TGS1: variants seen among roughly 807,000 people sequenced by gnomAD.
TGS1 encodes the protein trimethylguanosine synthase 1.
A neutral mutation model predicts 92.2 loss-of-function variants in TGS1; 69 were observed. The observed-to-expected ratio is 0.75, with a 90% CI of 0.62 to 0.91. The LOEUF is 0.91. Among genes scored for constraint, TGS1 ranks in the 40% least tolerant of loss-of-function variants. The pLI, the probability that TGS1 is intolerant of heterozygous loss-of-function variation, is 0.00. For missense variants in TGS1, 1,062 were observed against 1,001.2 expected (o/e 1.06, Z -0.82); for synonymous variants, 345 against 338.1 (o/e 1.02, Z -0.22).
At chr8:55,803,838 A>G (rs923697598) in intron 9 of TGS1, among the ~76,000 whole-genome samples, 1 of 151,916 alleles carries the variant, frequency 6.6e-6, no homozygotes, top group Non-Finnish European at 1.5e-5. Flanking sequence ...ATTACAAGCA[A>G]GCACTACCAT....
Position 55,810,948 on chromosome 8 carries a change from A to G in TGS1, c.2211A>G (p.Ile737Met), listed in dbSNP as rs1210979674. 6.2e-7 allele frequency: 1 copy of G among 1,614,100 alleles called. No homozygotes were observed. The highest frequency in any genetic ancestry group is 1.3e-5 in the African/African-American group (1 of 74,952). Reference protein sequence around the residue: ...LARNNAEVYGIADKIEFICGD... With the variant: ...LARNNAEVYGMADKIEFICGD... The stretch of plus-strand genomic sequence containing the variant: ...GCAATAATGCAGAAGTTTATGGGAT[A>G]GCAGATAAGATAGAGTTCATCTGTG... Residue 737 changes from isoleucine (I) to methionine (M), a missense_variant, in exon 11 of 13, where the codon ATA becomes ATG. Transcript: ENST00000260129.
chr8:55,805,079 A>C, intron 10 of TGS1, 43 bp downstream of exon 10: 5 of 1,574,056 alleles, frequency 3.2e-6, no homozygotes, highest in Non-Finnish European at 4.3e-6. Flanking sequence ...ATGTCCAGTT[A>C]ATTCAGTAAA....
rs998849178 is a variant in TGS1, at chr8:55,808,759, C to A, written c.2144-2122C>A. Among the ~76,000 whole-genome samples, 5 of 152,092 alleles carry A rather than the reference C, an allele frequency of 3.3e-5. No individual in the cohort carries two copies. In the East Asian group the frequency reaches 9.6e-4, roughly 29 times the overall value. ...CCTGACCTCAGGTGATCCACCCAAC[C>A]TCGGCCTCCCAAAGTGCTGGGATTA... is the stretch of plus-strand genomic sequence containing the variant. On this transcript the variant is annotated intron_variant, in intron 10 of 12. Coordinates refer to ENST00000260129, the MANE Select transcript of TGS1 (RefSeq NM_024831.8).
intron 5 of TGS1, among the ~76,000 whole-genome samples, chr8:55,791,048 A>G (rs920759225): frequency 1.3e-5 from 2 of 152,176 alleles, no homozygotes; most frequent in Non-Finnish European, 2.9e-5. Context: ...GTATTGCTGA[A>G]AAAGACCTCA....
intron 1 of TGS1, among the ~76,000 whole-genome samples, chr8:55,774,586 G>A (rs6998200): frequency 0.85 from 129,240 of 152,198 alleles, 55,142 homozygotes; most frequent in East Asian, 0.99. Context: ...CATGCATGTA[G>A]TCATACAATC....
At chr8:55,824,537 T>G in intron 12 of TGS1, 44 bp from the exon 13 acceptor site, 1 of 1,607,366 alleles carries the variant, frequency 6.2e-7, no homozygotes. Context: ...CTTTTGAAAT[T>G]ATGCTTAGGT....
intron 10 of TGS1, 141 bp downstream of exon 10, chr8:55,805,177 T>C (rs888226169): frequency 3.4e-6 from 2 of 580,902 alleles, no homozygotes; most frequent in Non-Finnish European, 5.3e-6. Flanking sequence ...ATAGCTAGCA[T>C]ATATTAAGCA....
intron 1 of TGS1, among the ~76,000 whole-genome samples, chr8:55,779,105 A>G (rs1469731178): frequency 2.6e-5 from 4 of 152,192 alleles, no homozygotes; most frequent in African/African-American, 9.6e-5. Flanking sequence ...TCTATTTTTG[A>G]GGCCATCAAT....
intron 11 of TGS1, among the ~76,000 whole-genome samples, chr8:55,812,000 G>T (rs1016629832): frequency 3.9e-5 from 6 of 152,120 alleles, no homozygotes; most frequent in Non-Finnish European, 5.9e-5. Context: ...GGAATTTCCT[G>T]AAAAAGTATC....
chr8:55,781,509 A>G (rs1811562111), intron 1 of TGS1, among the ~76,000 whole-genome samples: 1 of 152,168 alleles, frequency 6.6e-6, no homozygotes, highest in African/African-American at 2.4e-5. Flanking sequence ...CTTGCAACCA[A>G]CCATACTGGT....
At chr8:55,823,235 A>G (rs1280690924) in intron 12 of TGS1, among the ~76,000 whole-genome samples, 3 of 152,230 alleles carry the variant, frequency 2.0e-5, no homozygotes, top group Non-Finnish European at 4.4e-5. Context: ...ACAAAACCTT[A>G]TCTGTATAAG....
chr8:55,799,210 A>G lies in TGS1; in HGVS notation c.1839A>G (p.Ala613=). The G allele has an allele frequency of 6.2e-7, 1 of 1,607,886 alleles. No homozygotes were observed. Among genetic ancestry groups the G allele is most frequent in the Non-Finnish European group, 8.5e-7 (1 of 1,177,592 alleles). ...VTQEVPDSRQ[A]ETEAEVKKKK... is the part of the protein sequence containing the mutation. Reference sequence around the variant, plus strand: ...AAGAAGTGCCAGACTCCCGCCAGGCAGAAACTGAAGGTAACACTAAATATG... The same window carrying G: ...AAGAAGTGCCAGACTCCCGCCAGGCGGAAACTGAAGGTAACACTAAATATG... The change falls in exon 8 of 13, where the codon GCA becomes GCG. Residue 613 remains alanine, a synonymous_variant. Coordinates refer to ENST00000260129, the MANE Select transcript of TGS1 (RefSeq NM_024831.8).
chr8:55,802,456 G>A lies in TGS1; in HGVS notation c.1850-1G>A. ...TCTATATTCTTTGTATTTTATTTTA[G>A]CTGAAGTGAAAAAGAAGAAGAACAA... On this transcript the variant is annotated splice_acceptor_variant, in intron 8 of 12. Coordinates refer to ENST00000260129, the MANE Select transcript of TGS1 (RefSeq NM_024831.8). LOFTEE classifies it high-confidence loss of function. The A allele has an allele frequency of 3.7e-6, 6 of 1,611,786 alleles. No homozygotes were observed. Among genetic ancestry groups the A allele is most frequent in the Non-Finnish European group, 5.1e-6 (6 of 1,178,824 alleles).
intron 10 of TGS1, 89 bp from the exon 11 acceptor site, chr8:55,810,792 G>A: frequency 9.3e-7 from 1 of 1,069,556 alleles, no homozygotes; most frequent in Non-Finnish European, 1.4e-6. Context: ...TTCTTATACA[G>A]AAGATGACAG....
At chr8:55,803,256 T>C (rs536990829) in intron 9 of TGS1, among the ~76,000 whole-genome samples, 4 of 152,318 alleles carry the variant, frequency 2.6e-5, no homozygotes, top group East Asian at 1.9e-4. Flanking sequence ...TGAAGAAATA[T>C]CTAGTGCAGA....
Position 55,824,956 on chromosome 8 carries a change from T to A in TGS1, c.*253T>A, listed in dbSNP as rs1451498410. On this transcript the variant is annotated 3_prime_UTR_variant, in exon 13 of 13. Coordinates refer to ENST00000260129, the MANE Select transcript of TGS1 (RefSeq NM_024831.8). ...TTTTTTTTGAGACAGGATCTCACTT[T>A]TACCGCCCAGGCTGGAGTGCAGTGC... is the stretch of plus-strand genomic sequence containing the variant. 2.9e-6 allele frequency: 1 copy of A among 350,454 alleles called. No individual in the cohort carries two copies. Among genetic ancestry groups the A allele is most frequent in the East Asian group, 7.0e-5 (1 of 14,282 alleles). 21.7% of individuals were successfully genotyped at this position (350,454 alleles called of 1,614,324 possible). A position where few individuals can be genotyped will look rare whatever the true frequency, so the allele number is the denominator to read the frequency against.
At chr8:55,820,563 G>A (rs1803608377) in intron 12 of TGS1, among the ~76,000 whole-genome samples, 1 of 151,894 alleles carries the variant, frequency 6.6e-6, no homozygotes, top group Admixed American at 6.6e-5. Flanking sequence ...CAAAAAAAAA[G>A]TGCAGTTTTG....
Position 55,789,542 on chromosome 8 carries a change from GT to G in TGS1, c.1163-631del, listed in dbSNP as rs564638881. ...TGAAGAAGTAGTTTTAGTTTGTTGT[GT>G]TTTTTTTTAAGTAGTTAGATCATGA... On this transcript the variant is annotated intron_variant, in intron 4 of 12. Transcript: ENST00000260129. Among the ~76,000 whole-genome samples, 62 of 150,984 alleles carry G rather than the reference GT, an allele frequency of 4.1e-4. No individual in the cohort carries two copies. In the South Asian group the frequency reaches 0.012, roughly 30 times the overall value.
At chr8:55,793,258 A>G (rs1281509901) in intron 6 of TGS1, among the ~76,000 whole-genome samples, 3 of 152,214 alleles carry the variant, frequency 2.0e-5, no homozygotes, top group Non-Finnish European at 4.4e-5. Flanking sequence ...AGTCGTTCTC[A>G]AATGTAGGCA....
Sources: gnomAD v4.1 joint callset for allele counts (sites outside exome capture counted in the v4.1 genomes callset) on GRCh38, gnomAD v4.1.1 for gene constraint, MANE v1.5 for transcripts, NCBI Gene and HGNC (gene_info 2026-07-23, HGNC 2026-07-21) for gene names.